The following DSCAM variants were observed in gnomAD, a reference collection of about 807,000 sequenced individuals.
DSCAM encodes cell adhesion molecule DSCAM.
DSCAM carries 47 observed loss-of-function variants against 217.7 expected under a neutral mutation model. That is an observed-to-expected ratio of 0.22 (90% CI 0.17 to 0.28). The LOEUF (loss-of-function observed/expected upper bound fraction) is 0.28, where lower values mean the gene tolerates loss of function less well. Among genes scored for constraint, DSCAM ranks in the 10% least tolerant of loss-of-function variants. The pLI, the probability that DSCAM is intolerant of heterozygous loss-of-function variation, is 1.00. For synonymous variants in DSCAM, 1,056 were observed against 1,015.3 expected, an observed-to-expected ratio of 1.04 and a Z score of -0.76; for missense variants, 2,080 against 2,618.3, an observed-to-expected ratio of 0.79 and a Z score of 4.49.
chr21:40,200,168 C>T (rs965106919), intron 11 of DSCAM, among the ~76,000 whole-genome samples: 1 of 151,978 alleles, frequency 6.6e-6, no homozygotes, highest in African/African-American at 2.4e-5. Flanking sequence ...CAGGAGACTC[C>T]CCATAAAGTC....
chr21:40,805,804 G>A (rs1437720994), intron 1 of DSCAM, among the ~76,000 whole-genome samples: 2 of 151,964 alleles, frequency 1.3e-5, no homozygotes, highest in Non-Finnish European at 2.9e-5. Flanking sequence ...CACCTCCCGG[G>A]TTCATGCCAT....
chr21:40,237,627 G>T (rs1261188744), intron 11 of DSCAM, among the ~76,000 whole-genome samples: 1 of 152,302 alleles, frequency 6.6e-6, no homozygotes, highest in Non-Finnish European at 1.5e-5. Flanking sequence ...ATGGGCATTT[G>T]GGTTGGTTCC....
intron 8 of DSCAM, among the ~76,000 whole-genome samples, chr21:40,331,303 T>C (rs1160729323): frequency 6.6e-6 from 1 of 152,174 alleles, no homozygotes; most frequent in Non-Finnish European, 1.5e-5. Flanking sequence ...GCCAAGGCTG[T>C]TTCTGTGCAC....
At position 40,039,727 on chromosome 21, in the gene DSCAM, T is replaced by C. The variant is rs763686783; in HGVS notation, c.5686+2644A>G. Reference sequence around the variant, plus strand: ...AACTAAGACATATTTCCTATTTTTCTGAAGCCACAGTCTGGCCAAATTCAT... The same window carrying C: ...AACTAAGACATATTTCCTATTTTTCCGAAGCCACAGTCTGGCCAAATTCAT... On this transcript the variant is annotated intron_variant, in intron 32 of 32. Coordinates refer to ENST00000400454, the MANE Select transcript of DSCAM (RefSeq NM_001389.5). Among the ~76,000 whole-genome samples the C allele has an allele frequency of 4.5e-4, 69 of 152,196 alleles. 1 individual carries two copies. The highest frequency in any genetic ancestry group is 1.6e-4 in the Non-Finnish European group (11 of 68,036).
chr21:40,662,606 C>A (rs754243063), intron 3 of DSCAM, among the ~76,000 whole-genome samples: 7 of 152,156 alleles, frequency 4.6e-5, no homozygotes, highest in Non-Finnish European at 7.3e-5. Context: ...GTGTTAGGGG[C>A]TGGATGTTTG....
chr21:40,266,670 T>TATATATATATATAA lies in DSCAM; in HGVS notation c.2356+9426_2356+9427insTTATATATATATAT, dbSNP rs201198571. On this transcript the variant is annotated intron_variant, in intron 11 of 32. Coordinates refer to ENST00000400454, the MANE Select transcript of DSCAM (RefSeq NM_001389.5). Reference sequence around the variant, plus strand: ...ATATATATATATATATATATATATATAATCTTGAAATTTTATATATATAAA... The same window carrying TATATATATATATAA: ...ATATATATATATATATATATATATATATATATATATATAAAATCTTGAAATTTTATATATATAAA... Among the ~76,000 whole-genome samples the TATATATATATATAA allele has an allele frequency of 3.1e-3, 369 of 120,548 alleles. 6 individuals carry two copies. Among genetic ancestry groups the TATATATATATATAA allele is most frequent in the African/African-American group, 0.013 (328 of 24,572 alleles). The allele number at this position is 120,548 out of a possible 152,430, so 79.1% of individuals were successfully genotyped here.
At chr21:40,216,733 C>T (rs772317003) in intron 11 of DSCAM, among the ~76,000 whole-genome samples, 17 of 152,168 alleles carry the variant, frequency 1.1e-4, no homozygotes, top group Non-Finnish European at 1.9e-4. Flanking sequence ...AGGTAACACC[C>T]AGCAGTAAGG....
At chr21:40,187,650 T>C (rs376116013) in intron 13 of DSCAM, among the ~76,000 whole-genome samples, 5 of 152,230 alleles carry the variant, frequency 3.3e-5, no homozygotes, top group African/African-American at 1.2e-4. Context: ...TTGACTGTCA[T>C]GGGCTTGTCA....
chr21:40,775,220 G>C (rs541052755), intron 1 of DSCAM, among the ~76,000 whole-genome samples: 1 of 152,192 alleles, frequency 6.6e-6, no homozygotes, highest in East Asian at 1.9e-4. Context: ...CATCATGTTA[G>C]GCAGATCTAG....
At chr21:40,623,662 T>C (rs1486283864) in intron 3 of DSCAM, among the ~76,000 whole-genome samples, 1 of 152,152 alleles carries the variant, frequency 6.6e-6, no homozygotes, top group African/African-American at 2.4e-5. Flanking sequence ...AACAAATCTG[T>C]GCAGAAGGGC....
chr21:40,468,575 G>T (rs2075863344), intron 3 of DSCAM, among the ~76,000 whole-genome samples: 1 of 152,138 alleles, frequency 6.6e-6, no homozygotes, highest in Non-Finnish European at 1.5e-5. Context: ...GGGGTTTGGA[G>T]TGGGGCAAGG....
At chr21:40,064,657 G>A (rs998897629) in intron 27 of DSCAM, among the ~76,000 whole-genome samples, 7 of 152,132 alleles carry the variant, frequency 4.6e-5, no homozygotes, top group African/African-American at 1.7e-4. Context: ...ATGGGACGTG[G>A]GGAGCTTTGC....
chr21:40,113,215 T>A (rs895111361), intron 20 of DSCAM, among the ~76,000 whole-genome samples: 1 of 152,176 alleles, frequency 6.6e-6, no homozygotes, highest in African/African-American at 2.4e-5. Flanking sequence ...TTATCCACCA[T>A]GATCAAGTGG....
At chr21:40,136,519 A>G (rs1403235365) in intron 18 of DSCAM, among the ~76,000 whole-genome samples, 1 of 152,138 alleles carries the variant, frequency 6.6e-6, no homozygotes, top group Non-Finnish European at 1.5e-5. Context: ...TAATGGACAA[A>G]CTTTAAATAT....
At chr21:40,395,561 C>T (rs990130455) in intron 3 of DSCAM, among the ~76,000 whole-genome samples, 3 of 150,408 alleles carry the variant, frequency 2.0e-5, no homozygotes, top group Admixed American at 6.6e-5. Context: ...TAGTTGCCTT[C>T]GCAAGGAATG....
rs73360427 is a variant in DSCAM, at chr21:40,723,259, A to G, written c.44-14488T>C. 7.4e-3 allele frequency among the ~76,000 whole-genome samples: 1,126 copies of G among 152,240 alleles called. 15 individuals carry two copies. Among genetic ancestry groups the G allele is most frequent in the African/African-American group, 0.026 (1,090 of 41,544 alleles). ...AGGGTCTGGCCACGCTGGTCTCCTCAGTGTCCTAGGTCCCCAATCCCCTTC... is the reference window on the plus strand; with the variant it reads ...AGGGTCTGGCCACGCTGGTCTCCTCGGTGTCCTAGGTCCCCAATCCCCTTC... On this transcript the variant is annotated intron_variant, in intron 1 of 32. Transcript: ENST00000400454.
chr21:40,838,286 T>C (rs34826226), intron 1 of DSCAM, among the ~76,000 whole-genome samples: 274 of 152,350 alleles, frequency 1.8e-3, no homozygotes, highest in Non-Finnish European at 3.4e-3. Flanking sequence ...TAATCAATGG[T>C]AAGAGAGTCC....
chr21:40,060,012 T>C (rs961223952), intron 28 of DSCAM, among the ~76,000 whole-genome samples: 2 of 152,256 alleles, frequency 1.3e-5, no homozygotes, highest in African/African-American at 4.8e-5. Context: ...CGAACTTAGA[T>C]TGAACCAACC....
intron 11 of DSCAM, among the ~76,000 whole-genome samples, chr21:40,243,612 G>A (rs1029187622): frequency 6.6e-6 from 1 of 152,176 alleles, no homozygotes; most frequent in African/African-American, 2.4e-5. Context: ...TGCACCGTTT[G>A]CTCCCCCATA....
Sources: gnomAD v4.1 joint callset for allele counts (sites outside exome capture counted in the v4.1 genomes callset) on GRCh38, gnomAD v4.1.1 for gene constraint, MANE v1.5 for transcripts, NCBI Gene and HGNC (gene_info 2026-07-23, HGNC 2026-07-21) for gene names.